Variants in HIVEP3 observed in about 807,000 individuals in gnomAD.
HIVEP3 encodes transcription factor HIVEP3.
In HIVEP3, 49 loss-of-function variants were observed where a neutral mutation model predicts 152.8. The observed-to-expected ratio is 0.32, with a 90% CI of 0.26 to 0.41. HIVEP3 has a LOEUF of 0.41. Ranked by LOEUF, HIVEP3 falls within the 10% of genes least tolerant of loss-of-function variation. The probability of loss-of-function intolerance (pLI) is 1.00; values close to 1 mark genes in which losing one functional copy is unlikely to be tolerated. For missense variants in HIVEP3, 2,790 were observed against 3,103.3 expected, an observed-to-expected ratio of 0.90 and a Z score of 2.40; for synonymous variants, 1,269 against 1,289.0, an observed-to-expected ratio of 0.98 and a Z score of 0.33.
rs544667076 is a variant in HIVEP3, at chr1:41,887,156, C to T, written c.-801+31257G>A. 9.4e-4 allele frequency among the ~76,000 whole-genome samples: 142 copies of T among 150,798 alleles called. 2 individuals are homozygous for T. Among genetic ancestry groups the T allele is most frequent in the African/African-American group, 3.4e-3 (137 of 40,202 alleles). On this transcript the variant is annotated intron_variant, in intron 1 of 8. Coordinates refer to ENST00000372583, the MANE Select transcript of HIVEP3 (RefSeq NM_024503.5). ...TTTAGAAAAATTACAAAATCACTAT[C>T]ATATGAAGAGGTGATCAAAGTGTAT...
At chr1:41,546,809 A>G (rs1290566565) in intron 5 of HIVEP3, among the ~76,000 whole-genome samples, 2 of 152,238 alleles carry the variant, frequency 1.3e-5, no homozygotes, top group African/African-American at 4.8e-5. Flanking sequence ...GCTCTCCAGC[A>G]GCACTGGCCC....
At chr1:41,600,272 T>C (rs951230429) in intron 3 of HIVEP3, among the ~76,000 whole-genome samples, 2 of 152,202 alleles carry the variant, frequency 1.3e-5, no homozygotes, top group African/African-American at 4.8e-5. Flanking sequence ...TACATCTATG[T>C]TCATAGCGGC....
At chr1:41,615,332 G>T (rs1644951453) in intron 3 of HIVEP3, among the ~76,000 whole-genome samples, 1 of 152,178 alleles carries the variant, frequency 6.6e-6, no homozygotes, top group Non-Finnish European at 1.5e-5. Context: ...TGGGAAATCG[G>T]CCCGTCCCTC....
intron 1 of HIVEP3, among the ~76,000 whole-genome samples, chr1:41,877,403 C>T (rs1644187988): frequency 1.3e-5 from 2 of 152,224 alleles, no homozygotes; most frequent in Admixed American, 6.5e-5. Context: ...TCCTCATAGC[C>T]TTTCACACCC....
At chr1:41,815,697 G>A (rs1470131) in intron 1 of HIVEP3, among the ~76,000 whole-genome samples, 61 of 151,994 alleles carry the variant, frequency 4.0e-4, no homozygotes, top group Admixed American at 1.1e-3. Context: ...AACCAGGCAT[G>A]AAAACACATA....
At chr1:41,977,473 C>T (rs957730336) in intron 1 of HIVEP3, among the ~76,000 whole-genome samples, 2 of 152,144 alleles carry the variant, frequency 1.3e-5, no homozygotes, top group South Asian at 2.1e-4. Context: ...ACCTGCCAGC[C>T]GCCGGTGGAG....
At chr1:41,769,265 G>A (rs1295809921) in intron 1 of HIVEP3, among the ~76,000 whole-genome samples, 2 of 152,156 alleles carry the variant, frequency 1.3e-5, no homozygotes, top group East Asian at 3.8e-4. Flanking sequence ...ACCTCCCTCA[G>A]CCCATCTGGC....
At chr1:41,706,763 T>C (rs1008037705) in intron 1 of HIVEP3, among the ~76,000 whole-genome samples, 1 of 152,178 alleles carries the variant, frequency 6.6e-6, no homozygotes, top group Non-Finnish European at 1.5e-5. Flanking sequence ...GGGTCTTTGT[T>C]TCAAGGAGTT....
At position 41,584,244 on chromosome 1, in the gene HIVEP3, T is replaced by C. The variant is rs755569135; in HGVS notation, c.554A>G (p.Lys185Arg). The C allele has an allele frequency of 6.2e-7, 1 of 1,613,756 alleles. No homozygotes were observed. The highest frequency in any genetic ancestry group is 8.5e-7 in the Non-Finnish European group (1 of 1,179,772). ...PTEEAHKKER[K>R]PQKPGKYICQ... ...GATGTACTTGCCTGGCTTCTGGGGCTTCCTCTCCTTCTTGTGTGCCTCTTC... is the reference window on the plus strand; with the variant it reads ...GATGTACTTGCCTGGCTTCTGGGGCCTCCTCTCCTTCTTGTGTGCCTCTTC... The change falls in exon 4 of 9, where the codon AAG (lysine) becomes AGG (arginine). Residue 185 changes from lysine (K) to arginine (R), a missense_variant. Physicochemically the swap from Lys to Arg is conservative, Grantham distance 26 (BLOSUM62 2). Transcript: ENST00000372583. This position sits in a 1 kb window ranked among gnomAD's most constrained non-coding sequence, Gnocchi z 5.2.
intron 1 of HIVEP3, among the ~76,000 whole-genome samples, chr1:41,946,399 TG>T (rs1157603483): frequency 7.2e-5 from 11 of 152,302 alleles, no homozygotes; most frequent in African/African-American, 2.6e-4. Context: ...TCCTGGACAC[TG>T]GCGCAGCCTT....
At chr1:41,891,722 G>T (rs113203602) in intron 1 of HIVEP3, among the ~76,000 whole-genome samples, 3 of 152,184 alleles carry the variant, frequency 2.0e-5, no homozygotes, top group Non-Finnish European at 2.9e-5. Context: ...ACATCCATTC[G>T]GGCTGGTTTA....
chr1:41,806,032 G>C (rs1650587800), intron 1 of HIVEP3, among the ~76,000 whole-genome samples: 1 of 152,178 alleles, frequency 6.6e-6, no homozygotes, highest in Admixed American at 6.5e-5. Context: ...AATGGTAGAA[G>C]CAGTACCAGC....
Position 41,625,162 on chromosome 1 carries a change from CAAAAAAAAAAAA to C in HIVEP3, c.-522+3575_-522+3586del, listed in dbSNP as rs59268661. Among the ~76,000 whole-genome samples the C allele has an allele frequency of 7.0e-5, 5 of 71,276 alleles. No homozygotes were observed. The South Asian group carries it at 1.9e-3, about 27-fold the overall frequency. 46.8% of individuals were successfully genotyped at this position (71,276 alleles called of 152,430 possible). ...TGGCTGACAGAGCGAGATTCCAACT[CAAAAAAAAAAAA>C]AAAAAAAAAAAAAAAAAAGAATTCC... On this transcript the variant is annotated intron_variant, in intron 3 of 8. Transcript: ENST00000372583.
intron 5 of HIVEP3, among the ~76,000 whole-genome samples, chr1:41,567,582 G>A (rs534135070): frequency 6.6e-6 from 1 of 152,298 alleles, no homozygotes; most frequent in African/African-American, 2.4e-5. Context: ...ATAAGGCAGG[G>A]CCCTGATAGC....
intron 1 of HIVEP3, among the ~76,000 whole-genome samples, chr1:41,872,469 A>C (rs1489925596): frequency 6.6e-6 from 1 of 152,116 alleles, no homozygotes; most frequent in Non-Finnish European, 1.5e-5. Flanking sequence ...ATCCACAAGA[A>C]CTCAAATATA....
chr1:41,671,114 G>T (rs959290266), intron 2 of HIVEP3, among the ~76,000 whole-genome samples: 2 of 152,152 alleles, frequency 1.3e-5, no homozygotes, highest in Non-Finnish European at 2.9e-5. Flanking sequence ...TCCCCACCCT[G>T]CCTCTCCTAA....
chr1:41,878,354 C>G (rs1333586661), intron 1 of HIVEP3, among the ~76,000 whole-genome samples: 2 of 152,126 alleles, frequency 1.3e-5, no homozygotes, highest in Non-Finnish European at 2.9e-5. Flanking sequence ...TTCATTCTCT[C>G]CAAAAGGATA....
chr1:41,734,323 C>A (rs34408833), intron 1 of HIVEP3, among the ~76,000 whole-genome samples: 1 of 152,252 alleles, frequency 6.6e-6, no homozygotes, highest in South Asian at 2.1e-4. Context: ...CAGACACCTT[C>A]TGCACAGGTT....
intron 2 of HIVEP3, among the ~76,000 whole-genome samples, chr1:41,641,631 A>T (rs1459200421): frequency 6.6e-6 from 1 of 152,198 alleles, no homozygotes; most frequent in Non-Finnish European, 1.5e-5. Flanking sequence ...AGTTATTTAC[A>T]TTGTCACCAC....
Sources: allele counts gnomAD v4.1 joint callset (sites outside exome capture counted in the v4.1 genomes callset), GRCh38; gene constraint gnomAD v4.1.1; non-coding constraint Gnocchi (gnomAD v3.1); transcripts MANE v1.5; gene names NCBI Gene and HGNC (gene_info 2026-07-23, HGNC 2026-07-21).